C19orf44: variants seen among roughly 807,000 people sequenced by gnomAD.
The protein encoded by C19orf44 is chromosome 19 open reading frame 44, also known as uncharacterized protein C19orf44.
A neutral mutation model predicts 50.7 loss-of-function variants in C19orf44; 43 were observed. The observed-to-expected ratio is 0.85, with a 90% CI of 0.66 to 1.09. The LOEUF (loss-of-function observed/expected upper bound fraction) is 1.09, where lower values mean the gene tolerates loss of function less well. Ranked by LOEUF, C19orf44 falls within the 50% of genes least tolerant of loss-of-function variation. The pLI is 0.00. For synonymous variants in C19orf44, 298 were observed against 334.7 expected, an observed-to-expected ratio of 0.89 and a Z score of 1.20; for missense variants, 722 against 836.2, an observed-to-expected ratio of 0.86 and a Z score of 1.68.
chr19:16,520,847 T>C lies in C19orf44; in HGVS notation c.*794T>C. On this transcript the variant is annotated 3_prime_UTR_variant, in exon 9 of 9. Transcript: ENST00000221671. This position sits in a 1 kb window ranked among gnomAD's most constrained non-coding sequence, Gnocchi z 4.0. ...TTACCTGTTCCTCTTCTCCTGGCCT[T>C]TCCTCCGCCGGGCCCGCATTTTTGC... is the stretch of plus-strand genomic sequence containing the variant. 6.2e-7 allele frequency: 1 copy of C among 1,613,882 alleles called. No homozygotes were observed. The highest frequency in any genetic ancestry group is 8.5e-7 in the Non-Finnish European group (1 of 1,180,016).
chr19:16,510,962 G>A (rs1040174493), intron 5 of C19orf44, among the ~76,000 whole-genome samples: 3 of 151,410 alleles, frequency 2.0e-5, no homozygotes, highest in African/African-American at 7.3e-5. Context: ...TCTCAAACTC[G>A]TGGGCTCAAG....
rs1488523168 is a variant in C19orf44 at position 16,509,931 on chromosome 19, G to A, written c.1582G>A (p.Val528Met). The A allele has an allele frequency of 3.7e-6, 6 of 1,614,164 alleles. No homozygotes were observed. Among genetic ancestry groups the A allele is most frequent in the Non-Finnish European group, 5.1e-6 (6 of 1,180,064 alleles). ...KSGRHVTRVLVKDTAVQTPDP... is the reference protein window; with the variant it reads ...KSGRHVTRVLMKDTAVQTPDP... ...GGGCAGGCACGTGACAAGAGTGCTTGTGAAGGACACAGCTGTGCAGACGCC... is the reference window on the plus strand; with the variant it reads ...GGGCAGGCACGTGACAAGAGTGCTTATGAAGGACACAGCTGTGCAGACGCC... The change falls in exon 5 of 9, where the codon GTG (valine) becomes ATG (methionine). Residue 528 changes from valine (V) to methionine (M), a missense_variant. Coordinates refer to ENST00000221671, the MANE Select transcript of C19orf44 (RefSeq NM_032207.4).
At chr19:16,511,380 A>G (rs1480463345) in intron 5 of C19orf44, among the ~76,000 whole-genome samples, 2 of 151,830 alleles carry the variant, frequency 1.3e-5, no homozygotes, top group African/African-American at 2.4e-5. Context: ...GGGTCTCCCT[A>G]TGTTCCCCAG....
In C19orf44 at chr19:16,509,603, A is replaced by C. The variant is rs761035928; in HGVS notation, c.1254A>C (p.Ser418=). The change falls in exon 5 of 9, where the codon TCA becomes TCC. Residue 418 remains serine (S), a synonymous_variant. Coordinates refer to ENST00000221671, the MANE Select transcript of C19orf44 (RefSeq NM_032207.4). ...AGGCCCAGGCGAGGAGCTGGGCATC[A>C]CAGGGAAAGGCCGCCTCTGCAGAGG... ...PRQAQARSWA[S]QGKAASAEGD... is the part of the protein sequence containing the mutation. The C allele has an allele frequency of 1.2e-5, 20 of 1,614,088 alleles. No homozygotes were observed. In the East Asian group the frequency reaches 4.2e-4, roughly 34 times the overall value.
Position 16,519,456 on chromosome 19 carries a change from T to C in C19orf44, c.*41-638T>C, listed in dbSNP as rs1599744085. 1 of 1,345,700 alleles carries C rather than the reference T, an allele frequency of 7.4e-7. No homozygotes were observed. The highest frequency in any genetic ancestry group is 1.5e-5 in the African/African-American group (1 of 68,722). The allele number at this position is 1,345,700 out of a possible 1,614,324, so 83.4% of individuals were successfully genotyped here. A position where few individuals can be genotyped will look rare whatever the true frequency, so the allele number is the denominator to read the frequency against. ...AGGCAGTGTAGACATGGGAAATGGG[T>C]AGAGAGAACCCGCAGGCCGGCCCTG... On this transcript the variant is annotated intron_variant, in intron 8 of 8. Coordinates refer to ENST00000221671, the MANE Select transcript of C19orf44 (RefSeq NM_032207.4). The surrounding 1 kb of genome is among the most constrained non-coding windows in gnomAD (Gnocchi z 6.0).
In C19orf44 at chr19:16,519,450, A is replaced by C; in HGVS notation, c.*41-644A>C. 1 of 1,385,168 alleles carries C rather than the reference A, an allele frequency of 7.2e-7. No homozygotes were observed. The highest frequency in any genetic ancestry group is 1.3e-5 in the South Asian group (1 of 78,528). 85.8% of individuals were successfully genotyped at this position (1,385,168 alleles called of 1,614,324 possible). A position where few individuals can be genotyped will look rare whatever the true frequency, so the allele number is the denominator to read the frequency against. On this transcript the variant is annotated intron_variant, in intron 8 of 8. Transcript: ENST00000221671. This position sits in a 1 kb window ranked among gnomAD's most constrained non-coding sequence, Gnocchi z 6.0. ...CCAGACAGGCAGTGTAGACATGGGA[A>C]ATGGGTAGAGAGAACCCGCAGGCCG...
At position 16,506,760 on chromosome 19, in the gene C19orf44, G is replaced by A. The variant is rs768884783; in HGVS notation, c.1135G>A (p.Asp379Asn). ...GGCTCCAGCTGTCAGTGAGAACTCC[G>A]ATTTGGAACAGGAAGTAAGTACAAC... ...GLAPAVSENS[D>N]LEQEEESAQR... The change falls in exon 4 of 9, where the codon GAT (aspartate) becomes AAT (asparagine). Residue 379 changes from aspartate to asparagine, a missense_variant. Coordinates refer to ENST00000221671, the MANE Select transcript of C19orf44 (RefSeq NM_032207.4). 1.4e-5 allele frequency: 23 copies of A among 1,603,534 alleles called. No homozygotes were observed. Among genetic ancestry groups the A allele is most frequent in the South Asian group, 4.5e-5 (4 of 88,560 alleles).
At chr19:16,497,368 T>TTTG (rs2093412529) in intron 1 of C19orf44, among the ~76,000 whole-genome samples, 1 of 149,630 alleles carries the variant, frequency 6.7e-6, no homozygotes, top group African/African-American at 2.5e-5. Context: ...TTTTTTTTTT[T>TTTG]GAGACAGATT....
chr19:16,505,871 C>T (rs1234126092), intron 3 of C19orf44, among the ~76,000 whole-genome samples: 1 of 150,654 alleles, frequency 6.6e-6, no homozygotes, highest in Admixed American at 6.6e-5. Flanking sequence ...TAATAGAGAT[C>T]GGGTTTCACC....
rs774820419 is a variant in C19orf44, at chr19:16,503,259, C to T, written c.954C>T (p.Gly318=). Residue 318 remains glycine, a synonymous_variant, in exon 3 of 9, where the codon GGC becomes GGT. Coordinates refer to ENST00000221671, the MANE Select transcript of C19orf44 (RefSeq NM_032207.4). ...ACACGCCGTCAGTTTCCATCACAGG[C>T]GCCTTTTCAAACTCAGTGTCTTTAA... is the stretch of plus-strand genomic sequence containing the variant. ...ASHTPSVSIT[G]AFSNSVSLKM... The T allele has an allele frequency of 1.4e-5, 22 of 1,614,026 alleles. No individual in the cohort carries two copies. The highest frequency in any genetic ancestry group is 6.6e-5 in the South Asian group (6 of 91,086).
intron 4 of C19orf44, among the ~76,000 whole-genome samples, chr19:16,508,049 C>T (rs993004699): frequency 6.6e-6 from 1 of 152,064 alleles, no homozygotes; most frequent in African/African-American, 2.4e-5. Flanking sequence ...TCGTGATCCG[C>T]CCGCCTCGGC....
rs991713325 is a variant in C19orf44 at position 16,517,605 on chromosome 19, T to C, written c.*40+264T>C. 3.2e-4 allele frequency among the ~76,000 whole-genome samples: 48 copies of C among 151,792 alleles called. 2 individuals carry two copies. The highest frequency in any genetic ancestry group is 2.9e-5 in the Non-Finnish European group (2 of 68,008). On this transcript the variant is annotated intron_variant, in intron 8 of 8. Transcript: ENST00000221671. ...CTATGACACCACAGGCCAGTGGAAA[T>C]AGAATTTCAGTGGAGCTGTCCCCAC...
At chr19:16,501,956 C>CT (rs1470109595) in intron 2 of C19orf44, among the ~76,000 whole-genome samples, 2 of 148,816 alleles carry the variant, frequency 1.3e-5, no homozygotes, top group African/African-American at 5.0e-5. Context: ...GTTGCCCAGG[C>CT]TAGAGTGCAG....
chr19:16,517,571 T>C (rs2085554444), intron 8 of C19orf44, among the ~76,000 whole-genome samples: 1 of 152,210 alleles, frequency 6.6e-6, no homozygotes, highest in Non-Finnish European at 1.5e-5. Context: ...CCCAGCAGCA[T>C]GCCCAGCTCT....
In C19orf44 at chr19:16,514,477, G is replaced by A; in HGVS notation, c.1736-20G>A. 13 of 1,577,246 alleles carry A rather than the reference G, an allele frequency of 8.2e-6. No individual in the cohort carries two copies. Among genetic ancestry groups the A allele is most frequent in the Non-Finnish European group, 1.1e-5 (13 of 1,157,774 alleles). On this transcript the variant is annotated intron_variant, in intron 6 of 8. Coordinates refer to ENST00000221671, the MANE Select transcript of C19orf44 (RefSeq NM_032207.4). Reference sequence around the variant, plus strand: ...TGTGGGGCCCCAGCGAAGCCACCGAGTAACGCGGAGCTGGGTCAGCCCTGA... The same window carrying A: ...TGTGGGGCCCCAGCGAAGCCACCGAATAACGCGGAGCTGGGTCAGCCCTGA...
intron 1 of C19orf44, among the ~76,000 whole-genome samples, chr19:16,500,578 C>T (rs1052347319): frequency 2.0e-5 from 3 of 151,754 alleles, no homozygotes; most frequent in Non-Finnish European, 2.9e-5. Flanking sequence ...CTCTTGACAT[C>T]GTGATCCACC....
At chr19:16,504,055 G>A (rs556175658) in intron 3 of C19orf44, among the ~76,000 whole-genome samples, 1 of 152,270 alleles carries the variant, frequency 6.6e-6, no homozygotes, top group African/African-American at 2.4e-5. Flanking sequence ...GTGCGCACCT[G>A]TAGTCCCAGC....
chr19:16,515,426 G>A (rs1358510498), intron 7 of C19orf44, among the ~76,000 whole-genome samples: 1 of 152,194 alleles, frequency 6.6e-6, no homozygotes, highest in African/African-American at 2.4e-5. Context: ...TTGTTGCAGA[G>A]ATGTGTAACC....
chr19:16,518,039 G>A (rs17029), intron 8 of C19orf44: 50,892 of 152,008 alleles, frequency 0.33, 9,743 homozygotes, highest in African/African-American at 0.52. Context: ...TATTCATCAC[G>A]TTGGGTTGAA....
Sources: gnomAD v4.1 joint callset for allele counts (sites outside exome capture counted in the v4.1 genomes callset) on GRCh38, gnomAD v4.1.1 for gene constraint, Gnocchi (gnomAD v3.1) non-coding constraint, MANE v1.5 for transcripts, NCBI Gene and HGNC (gene_info 2026-07-23, HGNC 2026-07-21) for gene names.